Variants in LETM2 observed in about 807,000 individuals in gnomAD.
LETM2 encodes leucine zipper and EF-hand containing transmembrane protein 2, also known as LETM1 domain-containing protein LETM2, mitochondrial.
Under a neutral mutation model 59.6 loss-of-function variants are expected in LETM2, and 58 were observed. The observed-to-expected ratio is 0.97, with a 90% CI of 0.79 to 1.21. LETM2 has a LOEUF of 1.21. Among genes scored for constraint, LETM2 ranks in the 50% most tolerant of loss-of-function variants. The pLI is 0.00. For missense variants in LETM2, 572 were observed against 575.7 expected, an observed-to-expected ratio of 0.99 and a Z score of 0.07; for synonymous variants, 199 against 214.1, an observed-to-expected ratio of 0.93 and a Z score of 0.62.
At chr8:38,395,248 A>T (rs1201262263) in intron 4 of LETM2, among the ~76,000 whole-genome samples, 1 of 152,212 alleles carries the variant, frequency 6.6e-6, no homozygotes, top group Non-Finnish European at 1.5e-5. Context: ...CTAGGAGAGT[A>T]ATTGGTGGAT....
At chr8:38,388,080 C>CTTTTTTT (rs35044708) in intron 2 of LETM2, 50 bp downstream of exon 2, 1 of 889,788 alleles carries the variant, frequency 1.1e-6, no homozygotes, top group Non-Finnish European at 1.6e-6. Flanking sequence ...TCTTCTTCTT[C>CTTTTTTT]TTTTTTTTTT....
At chr8:38,390,841 C>A (rs1383606703) in intron 2 of LETM2, among the ~76,000 whole-genome samples, 1 of 150,808 alleles carries the variant, frequency 6.6e-6, no homozygotes, top group Non-Finnish European at 1.5e-5. Flanking sequence ...CTCCACCACG[C>A]CCAGCTAATT....
At chr8:38,383,695 C>G (rs1353756217), upstream of LETM2, among the ~76,000 whole-genome samples, 1 of 151,646 alleles carries the variant, frequency 6.6e-6, no homozygotes, top group African/African-American at 2.4e-5. Flanking sequence ...CTTTGGGAGG[C>G]CGAGGCAGGC....
intron 7 of LETM2, 70 bp from the exon 8 acceptor site, chr8:38,404,323 G>T: frequency 1.9e-6 from 2 of 1,062,676 alleles, no homozygotes; most frequent in Non-Finnish European, 2.9e-6. Context: ...GCCAGGGAGG[G>T]TAGATGACCG....
In LETM2 at chr8:38,409,101, G is replaced by A. The variant is rs1270728124; in HGVS notation, c.*827G>A. On this transcript the variant is annotated 3_prime_UTR_variant, in exon 11 of 11. Coordinates refer to ENST00000379957, the MANE Select transcript of LETM2 (RefSeq NM_001286819.2). ...TAATCCCTGTGCTACCCAGCAACAA[G>A]TATTACATTAGGATATTTATGCTTG... is the stretch of plus-strand genomic sequence containing the variant. 2 of 152,206 alleles carry A rather than the reference G, an allele frequency of 1.3e-5. No individual in the cohort carries two copies. The highest frequency in any genetic ancestry group is 2.9e-5 in the Non-Finnish European group (2 of 68,046). The allele number at this position is 152,206 out of a possible 1,614,324, so 9.4% of individuals were successfully genotyped here.
rs927044439 is a variant in LETM2 at position 38,398,154 on chromosome 8, A to G, written c.646-2118A>G. Among the ~76,000 whole-genome samples the G allele has an allele frequency of 5.8e-4, 88 of 151,958 alleles. 1 individual carries two copies. Among genetic ancestry groups the G allele is most frequent in the African/African-American group, 4.4e-4 (18 of 41,376 alleles). On this transcript the variant is annotated intron_variant, in intron 4 of 10. Coordinates refer to ENST00000379957, the MANE Select transcript of LETM2 (RefSeq NM_001286819.2). ...GATTTTTGTCTTAAAAAAAAAAAAA[A>G]AGAGACTTGAAGACAAATTCGGGAT...
intron 8 of LETM2, among the ~76,000 whole-genome samples, chr8:38,405,051 G>C (rs1813605989): frequency 6.6e-6 from 1 of 152,220 alleles, no homozygotes; most frequent in African/African-American, 2.4e-5. Context: ...TTTGAGCCCA[G>C]CTTGATTGAG....
At chr8:38,392,473 G>T in intron 2 of LETM2, 69 bp from the exon 3 acceptor site, 1 of 921,344 alleles carries the variant, frequency 1.1e-6, no homozygotes, top group Non-Finnish European at 1.7e-6. Flanking sequence ...TTAATAATAT[G>T]TGCTTTATGA....
intron 4 of LETM2, among the ~76,000 whole-genome samples, chr8:38,398,279 A>T (rs1812849480): frequency 1.3e-5 from 2 of 152,208 alleles, no homozygotes; most frequent in South Asian, 4.1e-4. Context: ...ATGCCATAAC[A>T]TTCCAAGGAA....
At chr8:38,395,767 C>T (rs554621243) in intron 4 of LETM2, among the ~76,000 whole-genome samples, 1 of 152,332 alleles carries the variant, frequency 6.6e-6, no homozygotes, top group South Asian at 2.1e-4. Context: ...CCACACACCT[C>T]AGCCTCCCAA....
Position 38,394,080 on chromosome 8 carries a change from A to G in LETM2, c.502-18A>G, listed in dbSNP as rs1053535473. 1 of 1,426,830 alleles carries G rather than the reference A, an allele frequency of 7.0e-7. No homozygotes were observed. Among genetic ancestry groups the G allele is most frequent in the Non-Finnish European group, 9.1e-7 (1 of 1,093,974 alleles). The allele number at this position is 1,426,830 out of a possible 1,614,324, so 88.4% of individuals were successfully genotyped here. A position where few individuals can be genotyped will look rare whatever the true frequency, so the allele number is the denominator to read the frequency against. ...TGCCCTAAAATAATGAATATTGCAT[A>G]TGCATTTAATTCTATAGCTGTTGAG... On this transcript the variant is annotated intron_variant, in intron 3 of 10. Coordinates refer to ENST00000379957, the MANE Select transcript of LETM2 (RefSeq NM_001286819.2).
At chr8:38,400,813 G>A in intron 5 of LETM2, 40 bp from the exon 6 acceptor site, 1 of 1,559,832 alleles carries the variant, frequency 6.4e-7, no homozygotes, top group Non-Finnish European at 8.8e-7. Context: ...AAATTAAGTA[G>A]AAAACACATT....
intron 2 of LETM2, among the ~76,000 whole-genome samples, chr8:38,388,282 G>A (rs1811935864): frequency 6.6e-6 from 1 of 151,662 alleles, no homozygotes; most frequent in Non-Finnish European, 1.5e-5. Context: ...GTTTCACCAT[G>A]TTGGCCAGGC....
At position 38,391,191 on chromosome 8, in the gene LETM2, A is replaced by C. The variant is rs545025838; in HGVS notation, c.48-1351A>C. Reference sequence around the variant, plus strand: ...AGACTCCTCCTGTCTCAAAAAAAAAAAAAAAAACAAAAAAAAAAACCAAAA... The same window carrying C: ...AGACTCCTCCTGTCTCAAAAAAAAACAAAAAAACAAAAAAAAAAACCAAAA... On this transcript the variant is annotated intron_variant, in intron 2 of 10. Coordinates refer to ENST00000379957, the MANE Select transcript of LETM2 (RefSeq NM_001286819.2). Among the ~76,000 whole-genome samples the C allele has an allele frequency of 3.1e-4, 44 of 142,608 alleles. No individual in the cohort carries two copies. The East Asian group carries it at 3.5e-3, about 11-fold the overall frequency. 93.6% of individuals were successfully genotyped at this position (142,608 alleles called of 152,430 possible).
chr8:38,400,782 A>T lies in LETM2; in HGVS notation c.784-71A>T, dbSNP rs1813140788. ...CCATAAATGCTTTGATGTCTCTTTC[A>T]AATAGCCTATTGGGAAAGTTAAATT... On this transcript the variant is annotated intron_variant, in intron 5 of 10. Coordinates refer to ENST00000379957, the MANE Select transcript of LETM2 (RefSeq NM_001286819.2). The T allele has an allele frequency of 2.2e-6, 3 of 1,353,020 alleles. No homozygotes were observed. The East Asian group carries it at 6.9e-5, about 31-fold the overall frequency. 83.8% of individuals were successfully genotyped at this position (1,353,020 alleles called of 1,614,324 possible).
At chr8:38,407,524 G>A in intron 10 of LETM2, 61 bp downstream of exon 10, 1 of 1,092,566 alleles carries the variant, frequency 9.2e-7, no homozygotes. Context: ...TTATCTTTAA[G>A]GGCAGTGAGA....
intron 6 of LETM2, among the ~76,000 whole-genome samples, chr8:38,402,220 G>T (rs556439172): frequency 4.6e-5 from 7 of 152,272 alleles, no homozygotes; most frequent in African/African-American, 1.7e-4. Context: ...CCATAAAGCT[G>T]CCATGGAAAA....
chr8:38,404,809 A>C lies in LETM2; in HGVS notation c.1218+303A>C, dbSNP rs560207323. On this transcript the variant is annotated intron_variant, in intron 8 of 10. Coordinates refer to ENST00000379957, the MANE Select transcript of LETM2 (RefSeq NM_001286819.2). Reference sequence around the variant, plus strand: ...AGCCTGACCAACATGGTGAAATCTCATCTCTACTAAACATACAAAAATTAG... The same window carrying C: ...AGCCTGACCAACATGGTGAAATCTCCTCTCTACTAAACATACAAAAATTAG... 1.3e-3 allele frequency: 359 copies of C among 284,232 alleles called. 8 individuals are homozygous for C. The South Asian group carries it at 0.013, about 10-fold the overall frequency. 17.6% of individuals were successfully genotyped at this position (284,232 alleles called of 1,614,324 possible).
At chr8:38,397,107 C>T in intron 4 of LETM2, 1 of 456,176 alleles carries the variant, frequency 2.2e-6, no homozygotes, top group Non-Finnish European at 4.4e-6. Flanking sequence ...CTGTGCCACT[C>T]TACTAGACAG....
Sources: allele counts gnomAD v4.1 joint callset (sites outside exome capture counted in the v4.1 genomes callset), GRCh38; gene constraint gnomAD v4.1.1; transcripts MANE v1.5; gene names NCBI Gene and HGNC (gene_info 2026-07-23, HGNC 2026-07-21).